HEMK2: variants seen among roughly 807,000 people sequenced by gnomAD.
HEMK2 encodes the protein HemK methyltransferase 2, ETF1 glutamine and histone H4 lysine, also known as methyltransferase HEMK2.
At chr21:28,695,652 A>T in the HEMK2 span, among the ~76,000 whole-genome samples, 1 of 151,994 alleles carries the variant, frequency 6.6e-6, no homozygotes, top group Non-Finnish European at 1.5e-5. Flanking sequence ...ACACGTGGGG[A>T]TTATTACAAT....
the HEMK2 span, among the ~76,000 whole-genome samples, chr21:28,675,641 A>G: frequency 6.6e-6 from 1 of 152,242 alleles, no homozygotes; most frequent in Non-Finnish European, 1.5e-5. Context: ...CATTTCAACC[A>G]AGAGGGCAGA....
the HEMK2 span, among the ~76,000 whole-genome samples, chr21:28,613,619 C>CTTTTTTTTTTTTTTTTTTTTT: frequency 3.9e-4 from 32 of 82,704 alleles, 6 homozygotes; most frequent in African/African-American, 1.5e-3. Flanking sequence ...TCTGCATATT[C>CTTTTTTTTTTTTTTTTTTTTT]TTTTTTTTTT....
At chr21:28,876,188 C>T in the HEMK2 span, 6 of 377,534 alleles carry the variant, frequency 1.6e-5, no homozygotes, top group African/African-American at 4.2e-5. Context: ...AAAATGCAAA[C>T]TATAAATATA....
chr21:28,596,815 A>T, the HEMK2 span, among the ~76,000 whole-genome samples: 37 of 152,352 alleles, frequency 2.4e-4, no homozygotes, highest in Non-Finnish European at 4.1e-4. Context: ...GAATTTTAAA[A>T]GAAGTGTCTC....
chr21:28,613,097 AAGAT>A, the HEMK2 span, among the ~76,000 whole-genome samples: 10,143 of 150,860 alleles, frequency 0.067, 353 homozygotes, highest in East Asian at 0.12. Context: ...GATAGATAGA[AAGAT>A]AGATAGATAG....
At chr21:28,607,428 A>G in the HEMK2 span, among the ~76,000 whole-genome samples, 80 of 152,320 alleles carry the variant, frequency 5.3e-4, no homozygotes, top group Admixed American at 7.2e-4. Context: ...AAATTATTAA[A>G]TAATACATAC....
chr21:28,862,563 C>T, the HEMK2 span, among the ~76,000 whole-genome samples: 2 of 124,846 alleles, frequency 1.6e-5, no homozygotes, highest in Admixed American at 1.5e-4. Context: ...GGCGTGAACC[C>T]GGGAAGCGGA....
At chr21:28,629,190 A>G in the HEMK2 span, among the ~76,000 whole-genome samples, 6 of 152,210 alleles carry the variant, frequency 3.9e-5, no homozygotes, top group African/African-American at 1.4e-4. Flanking sequence ...TCTCTTCTCA[A>G]AGACATTTGA....
chr21:28,612,971 G>C, the HEMK2 span, among the ~76,000 whole-genome samples: 1 of 152,102 alleles, frequency 6.6e-6, no homozygotes, highest in African/African-American at 2.4e-5. Flanking sequence ...CATGCTCATA[G>C]ATGGGTAGAA....
chr21:28,691,066 CAGA>C, the HEMK2 span, among the ~76,000 whole-genome samples: 1 of 152,122 alleles, frequency 6.6e-6, no homozygotes, highest in Non-Finnish European at 1.5e-5. Flanking sequence ...TTAGGAGGCA[CAGA>C]AGGTCTGATT....
the HEMK2 span, among the ~76,000 whole-genome samples, chr21:28,586,991 T>C: frequency 6.6e-6 from 1 of 152,204 alleles, no homozygotes; most frequent in African/African-American, 2.4e-5. Context: ...ATTCAGACCA[T>C]AGCAGCATCT....
chr21:28,740,510 A>G, the HEMK2 span, among the ~76,000 whole-genome samples: 7 of 152,206 alleles, frequency 4.6e-5, no homozygotes, highest in Non-Finnish European at 1.0e-4. Flanking sequence ...TTATGAATTA[A>G]TCCATGCAAA....
chr21:28,595,871 G>GCCC, the HEMK2 span, among the ~76,000 whole-genome samples: 1 of 151,734 alleles, frequency 6.6e-6, no homozygotes, highest in African/African-American at 2.4e-5. Flanking sequence ...TGCAAGCTCT[G>GCCC]CCTCGCAGGT....
the HEMK2 span, among the ~76,000 whole-genome samples, chr21:28,649,646 T>C: frequency 6.6e-6 from 1 of 152,128 alleles, no homozygotes; most frequent in Non-Finnish European, 1.5e-5. Flanking sequence ...GAGGGTCTCC[T>C]TTGGAAGAGA....
the HEMK2 span, among the ~76,000 whole-genome samples, chr21:28,625,632 A>G: frequency 8.5e-5 from 13 of 152,098 alleles, no homozygotes; most frequent in Non-Finnish European, 1.5e-4. Context: ...AATCACTTGA[A>G]TCCAGGAGGT....
the HEMK2 span, chr21:28,873,111 C>G: frequency 1.3e-5 from 2 of 152,204 alleles, no homozygotes; most frequent in Non-Finnish European, 2.9e-5. Flanking sequence ...CCATCTAACA[C>G]GATTAACAAT....
chr21:28,712,502 C>T, the HEMK2 span, among the ~76,000 whole-genome samples: 1 of 152,152 alleles, frequency 6.6e-6, no homozygotes, highest in African/African-American at 2.4e-5. Context: ...TCCAGAAAAG[C>T]TCCAGAGGCA....
the HEMK2 span, among the ~76,000 whole-genome samples, chr21:28,616,280 A>G: frequency 1.3e-5 from 2 of 152,220 alleles, no homozygotes; most frequent in African/African-American, 4.8e-5. Context: ...TTCTTCGCTA[A>G]TCACATCATG....
At chr21:28,752,710 C>A in the HEMK2 span, among the ~76,000 whole-genome samples, 6 of 152,204 alleles carry the variant, frequency 3.9e-5, no homozygotes, top group Non-Finnish European at 8.8e-5. Flanking sequence ...CAAGTCTCTG[C>A]ACCACGTCCT....
Sources: gnomAD v4.1 joint callset for allele counts (sites outside exome capture counted in the v4.1 genomes callset) on GRCh38, gnomAD v4.1.1 for gene constraint, MANE v1.5 for transcripts, NCBI Gene and HGNC (gene_info 2026-07-23, HGNC 2026-07-21) for gene names.